Variants in IL1RAPL2 observed in about 807,000 individuals in gnomAD.
The protein encoded by IL1RAPL2 is X-linked interleukin-1 receptor accessory protein-like 2.
In IL1RAPL2, 3 loss-of-function variants were observed where a neutral mutation model predicts 44.1. The observed-to-expected ratio is 0.07, with a 90% confidence interval of 0.03 to 0.18. The LOEUF (loss-of-function observed/expected upper bound fraction) is 0.18, where lower values mean the gene tolerates loss of function less well. IL1RAPL2 is among the 10% of genes least tolerant of loss of function. The probability of loss-of-function intolerance (pLI) is 1.00; values close to 1 mark genes in which losing one functional copy is unlikely to be tolerated. For synonymous variants in IL1RAPL2, 181 were observed against 178.8 expected (o/e 1.01, Z -0.10); for missense variants, 391 against 496.4 (o/e 0.79, Z 2.02).
chrX:105,306,721 G>C (rs1254962616), intron 5 of IL1RAPL2, among the ~76,000 whole-genome samples: 1 of 111,209 alleles, frequency 9.0e-6, no homozygotes, highest in Non-Finnish European at 1.9e-5. Flanking sequence ...CATATATAAA[G>C]TGGGTTTGTC....
intron 6 of IL1RAPL2, among the ~76,000 whole-genome samples, chrX:105,617,298 C>T (rs759821215): frequency 2.7e-5 from 3 of 110,668 alleles, no homozygotes; most frequent in East Asian, 2.9e-4. Context: ...TGAATTTTAA[C>T]GAGCTACTCA....
intron 2 of IL1RAPL2, among the ~76,000 whole-genome samples, chrX:104,990,431 A>G (rs1427076028): frequency 9.0e-6 from 1 of 110,783 alleles, no homozygotes; most frequent in Non-Finnish European, 1.9e-5. Context: ...TTTTTTTAAC[A>G]ATGGTAGCAT....
chrX:105,213,855 A>G (rs185482492), intron 3 of IL1RAPL2, among the ~76,000 whole-genome samples: 1 of 110,384 alleles, frequency 9.1e-6, no homozygotes, highest in East Asian at 2.9e-4. Context: ...TCAACCCAGA[A>G]TTTCATATCC....
intron 5 of IL1RAPL2, among the ~76,000 whole-genome samples, chrX:105,383,796 C>T (rs192459726): frequency 5.8e-4 from 65 of 112,039 alleles, no homozygotes; most frequent in African/African-American, 2.0e-3. Context: ...TTATAAAGCC[C>T]ATTTTAACTG....
intron 2 of IL1RAPL2, among the ~76,000 whole-genome samples, chrX:104,790,307 T>C (rs1932818820): frequency 9.0e-6 from 1 of 111,368 alleles, no homozygotes; most frequent in Admixed American, 9.6e-5. Context: ...TTCATCTGCA[T>C]GGCTGTTTTT....
chrX:104,865,368 T>C (rs1052073393), intron 2 of IL1RAPL2, among the ~76,000 whole-genome samples: 12 of 112,078 alleles, frequency 1.1e-4, no homozygotes, highest in Non-Finnish European at 2.1e-4. Context: ...AGCTATATTA[T>C]GTTAGGCATA....
intron 2 of IL1RAPL2, among the ~76,000 whole-genome samples, chrX:105,116,957 A>G (rs1389594473): frequency 2.7e-5 from 3 of 112,049 alleles, no homozygotes; most frequent in Non-Finnish European, 3.8e-5. Flanking sequence ...ACTCTCTTAA[A>G]ATGTTAAGTT....
intron 2 of IL1RAPL2, among the ~76,000 whole-genome samples, chrX:104,938,115 T>G (rs769852856): frequency 7.1e-5 from 8 of 112,426 alleles, no homozygotes; most frequent in Non-Finnish European, 1.3e-4. Flanking sequence ...GCCAGTAATA[T>G]TGAAAACATT....
intron 2 of IL1RAPL2, among the ~76,000 whole-genome samples, chrX:104,875,262 T>C (rs1165849068): frequency 9.0e-6 from 1 of 111,496 alleles, no homozygotes; most frequent in Admixed American, 9.6e-5. Context: ...AATCCTATGG[T>C]CTTCAGTATT....
chrX:104,601,737 A>C (rs970664440), intron 1 of IL1RAPL2, among the ~76,000 whole-genome samples: 1 of 112,149 alleles, frequency 8.9e-6, no homozygotes, highest in African/African-American at 3.2e-5. Context: ...ATTATGAAAA[A>C]GTTAAGAAAC....
intron 1 of IL1RAPL2, among the ~76,000 whole-genome samples, chrX:104,635,486 G>T (rs1187881226): frequency 1.8e-5 from 2 of 111,898 alleles, no homozygotes; most frequent in Non-Finnish European, 3.8e-5. Context: ...ACGCCAATCA[G>T]ACGTAGATTT....
intron 5 of IL1RAPL2, among the ~76,000 whole-genome samples, chrX:105,283,601 A>G (rs1406626721): frequency 9.0e-6 from 1 of 111,178 alleles, no homozygotes; most frequent in Non-Finnish European, 1.9e-5. Flanking sequence ...CAGTAGTGCT[A>G]TTTCCTGAAA....
At chrX:105,366,334 G>A (rs1187689041) in intron 5 of IL1RAPL2, among the ~76,000 whole-genome samples, 5 of 109,722 alleles carry the variant, frequency 4.6e-5, no homozygotes, top group Non-Finnish European at 9.5e-5. Context: ...AGTATTGTTG[G>A]TCTCTTTTTC....
At chrX:105,406,859 C>T (rs1246178128) in intron 5 of IL1RAPL2, 9 of 1,141,492 alleles carry the variant, frequency 7.9e-6, no homozygotes, top group Admixed American at 6.6e-5. Context: ...CTGAGAGTGG[C>T]TACCTTAAAA....
At chrX:104,929,067 G>A (rs1172018875) in intron 2 of IL1RAPL2, among the ~76,000 whole-genome samples, 2 of 111,468 alleles carry the variant, frequency 1.8e-5, no homozygotes, top group Non-Finnish European at 3.8e-5. Flanking sequence ...ATGTTCCCAA[G>A]TTGACTTGTA....
intron 2 of IL1RAPL2, among the ~76,000 whole-genome samples, chrX:105,038,125 GATCCAC>G (rs1398157706): frequency 9.0e-6 from 1 of 111,086 alleles, no homozygotes; most frequent in African/African-American, 3.3e-5. Context: ...CTCAGACCTA[GATCCAC>G]CCACAGCATC....
At chrX:104,598,948 G>T (rs1928820132) in intron 1 of IL1RAPL2, among the ~76,000 whole-genome samples, 1 of 112,189 alleles carries the variant, frequency 8.9e-6, no homozygotes, top group South Asian at 3.7e-4. Context: ...AAATACAGAA[G>T]AAAATGTCTT....
At chrX:105,506,475 C>G (rs1328593565) in intron 6 of IL1RAPL2, among the ~76,000 whole-genome samples, 1 of 111,157 alleles carries the variant, frequency 9.0e-6, no homozygotes, top group Non-Finnish European at 1.9e-5. Flanking sequence ...ATGCACTCTT[C>G]TGGTACAAGC....
intron 5 of IL1RAPL2, among the ~76,000 whole-genome samples, chrX:105,473,671 A>G (rs1159543224): frequency 8.9e-6 from 1 of 111,930 alleles, no homozygotes; most frequent in South Asian, 3.7e-4. Flanking sequence ...CAAGTTATGA[A>G]TGCCTAATTA....
Sources: gnomAD v4.1 joint callset for allele counts (sites outside exome capture counted in the v4.1 genomes callset) on GRCh38, gnomAD v4.1.1 for gene constraint, MANE v1.5 for transcripts, NCBI Gene and HGNC (gene_info 2026-07-23, HGNC 2026-07-21) for gene names.